COL1A2: variants seen among roughly 807,000 people sequenced by gnomAD.
COL1A2 encodes collagen type I alpha 2 chain.
COL1A2 carries 49 observed loss-of-function variants against 174.3 expected under a neutral mutation model. The ratio of observed to expected loss-of-function variants is 0.28; its 90% confidence interval spans 0.22 to 0.36. The LOEUF is 0.36. Among genes scored for constraint, COL1A2 ranks in the 10% least tolerant of loss-of-function variants. COL1A2 has a pLI of 1.00. For synonymous variants in COL1A2, 655 were observed against 606.6 expected (o/e 1.08, Z -1.17); for missense variants, 1,438 against 1,822.7 (o/e 0.79, Z 3.84).
At chr7:94,402,840 G>A (rs1791714631) in intron 6 of COL1A2, among the ~76,000 whole-genome samples, 1 of 152,092 alleles carries the variant, frequency 6.6e-6, no homozygotes, top group African/African-American at 2.4e-5. Flanking sequence ...TTCTGCTGGA[G>A]CTAATGGCCC....
chr7:94,408,229 GC>G lies in COL1A2; in HGVS notation c.689del (p.Pro230GlnfsTer169). On this transcript the variant is annotated frameshift_variant, in exon 14 of 52. Coordinates refer to ENST00000297268, the MANE Select transcript of COL1A2 (RefSeq NM_000089.4). LOFTEE classifies it high-confidence loss of function. ...PGERGRVGAP[G>X]PAGARGSDGS... Reference sequence around the variant, plus strand: ...GAGAGAGGACGTGTTGGTGCCCCTGGCCCAGCTGTAAGTGCTTCCATTTTTG... The same window carrying G: ...GAGAGAGGACGTGTTGGTGCCCCTGGCCAGCTGTAAGTGCTTCCATTTTTG... 1 of 1,614,118 alleles carries G rather than the reference GC, an allele frequency of 6.2e-7. No individual in the cohort carries two copies. The highest frequency in any genetic ancestry group is 8.5e-7 in the Non-Finnish European group (1 of 1,180,006).
intron 6 of COL1A2, among the ~76,000 whole-genome samples, chr7:94,402,311 A>G (rs891621264): frequency 1.3e-5 from 2 of 152,172 alleles, no homozygotes; most frequent in African/African-American, 4.8e-5. Flanking sequence ...AATATGACAG[A>G]TTCTGATCCT....
At chr7:94,405,579 A>G (rs1489341955) in intron 10 of COL1A2, 94 bp from the exon 11 acceptor site, 2 of 1,225,890 alleles carry the variant, frequency 1.6e-6, no homozygotes, top group East Asian at 4.6e-5. Flanking sequence ...CAAAGCTTGA[A>G]CTTTGATGAG....
chr7:94,429,902 A>G (rs954717048), intron 51 of COL1A2: 1 of 317,310 alleles, frequency 3.2e-6, no homozygotes, highest in Non-Finnish European at 5.8e-6. Context: ...TAACAGCAAG[A>G]CTACATACCC....
chr7:94,412,337 G>A (rs1191326130), intron 24 of COL1A2, among the ~76,000 whole-genome samples: 1 of 151,848 alleles, frequency 6.6e-6, no homozygotes, highest in East Asian at 1.9e-4. Flanking sequence ...AGGGAAAATT[G>A]AAGCAGGTGA....
chr7:94,417,651 A>T (rs922360856), intron 31 of COL1A2, 73 bp from the exon 32 acceptor site: 1 of 1,303,318 alleles, frequency 7.7e-7, no homozygotes, highest in African/African-American at 1.6e-5. Flanking sequence ...TTTAAATTGG[A>T]ATTCTTCTAG....
chr7:94,394,968 G>A lies in COL1A2; in HGVS notation c.-64G>A, dbSNP rs1329399319. The A allele has an allele frequency of 6.7e-7, 1 of 1,483,190 alleles. No homozygotes were observed. Among genetic ancestry groups the A allele is most frequent in the African/African-American group, 1.4e-5 (1 of 72,324 alleles). 91.9% of individuals were successfully genotyped at this position (1,483,190 alleles called of 1,614,324 possible). ...GACTGCATGCCCGCGCCCGCCAGGT[G>A]ATACCTCCGCCGGTGACCCAGGGGC... On this transcript the variant is annotated 5_prime_UTR_variant, in exon 1 of 52. It removes the in-frame stop codon of an upstream open reading frame in the 5' UTR. Transcript: ENST00000297268.
chr7:94,410,786 C>G, intron 21 of COL1A2, 103 bp from the exon 22 acceptor site: 1 of 1,308,602 alleles, frequency 7.6e-7, no homozygotes, highest in Non-Finnish European at 1.1e-6. Flanking sequence ...TGGTTTGTGT[C>G]TGTATCTCCC....
At position 94,411,040 on chromosome 7, in the gene COL1A2, T is replaced by A. The variant is rs1280700829; in HGVS notation, c.1252-16T>A. 1.9e-6 allele frequency: 3 copies of A among 1,605,328 alleles called. No individual in the cohort carries two copies. Among genetic ancestry groups the A allele is most frequent in the African/African-American group, 2.7e-5 (2 of 74,664 alleles). On this transcript the variant is annotated splice_polypyrimidine_tract_variant and intron_variant, in intron 22 of 51. Transcript: ENST00000297268. ...CATCCTCCTCCTCTATCTGTTTTTT[T>A]TTTTTTTTTGAATAGGGCCCTCCTG...
rs34038163 is a variant in COL1A2 at position 94,429,325 on chromosome 7, T to G, written c.3849T>G (p.Thr1283=). 1 of 1,614,156 alleles carries G rather than the reference T, an allele frequency of 6.2e-7. No individual in the cohort carries two copies. Among genetic ancestry groups the G allele is most frequent in the South Asian group, 1.1e-5 (1 of 91,080 alleles). The stretch of plus-strand genomic sequence containing the variant: ...GCATTGCATACATGGATGAGGAGAC[T>G]GGCAACCTGAAAAAGGCTGTCATTC... The part of the protein sequence containing the change: ...KNSIAYMDEE[T]GNLKKAVILQ... Residue 1283 remains threonine, a synonymous_variant, in exon 51 of 52, where the codon ACT becomes ACG. Transcript: ENST00000297268.
Position 94,428,457 on chromosome 7 carries a change from A to G in COL1A2, c.3691A>G (p.Thr1231Ala), listed in dbSNP as rs201560619. The change falls in exon 50 of 52, where the codon ACT becomes GCT. Residue 1231 changes from threonine (T) to alanine (A), a missense_variant. By Grantham distance (58) the Thr-to-Ala change is moderately conservative. Coordinates refer to ENST00000297268, the MANE Select transcript of COL1A2 (RefSeq NM_000089.4). ...CAAGAAACACGTCTGGCTAGGAGAA[A>G]CTATCAATGCTGGCAGCCAGGTGAG... ...KDKKHVWLGE[T>A]INAGSQFEYN... 8.9e-5 allele frequency: 144 copies of G among 1,613,906 alleles called. No homozygotes were observed. The highest frequency in any genetic ancestry group is 1.2e-4 in the Non-Finnish European group (140 of 1,180,004).
Position 94,425,798 on chromosome 7 carries a change from G to C in COL1A2, c.2884G>C (p.Ala962Pro). The C allele has an allele frequency of 6.2e-7, 1 of 1,613,050 alleles. No homozygotes were observed. Among genetic ancestry groups the C allele is most frequent in the South Asian group, 1.1e-5 (1 of 90,852 alleles). Residue 962 changes from alanine (A) to proline (P), a missense_variant, in exon 44 of 52, where the codon GCA becomes CCA. Coordinates refer to ENST00000297268, the MANE Select transcript of COL1A2 (RefSeq NM_000089.4). ...GNIGPVGAAG[A>P]PGPHGPVGPA... ...TATTGGTCCCGTTGGTGCTGCAGGTGCACCTGGTCCTCATGGCCCCGTGGG... is the reference window on the plus strand; with the variant it reads ...TATTGGTCCCGTTGGTGCTGCAGGTCCACCTGGTCCTCATGGCCCCGTGGG...
intron 9 of COL1A2, 126 bp from the exon 10 acceptor site, chr7:94,405,073 T>C: frequency 3.6e-6 from 4 of 1,125,634 alleles, no homozygotes; most frequent in Non-Finnish European, 5.3e-6. Flanking sequence ...AGGGAAAGAT[T>C]AAATATATAT....
rs1022048845 is a variant in COL1A2 at position 94,418,559 on chromosome 7, A to G, written c.2025+7A>G. The G allele has an allele frequency of 3.7e-5, 60 of 1,611,558 alleles. No homozygotes were observed. The highest frequency in any genetic ancestry group is 4.7e-5 in the Non-Finnish European group (55 of 1,179,232). On this transcript the variant is annotated splice_region_variant and intron_variant, in intron 33 of 51. Coordinates refer to ENST00000297268, the MANE Select transcript of COL1A2 (RefSeq NM_000089.4). Reference sequence around the variant, plus strand: ...TGGCAGAGATGGTGCTCGTGTGAGTAGAATTTTGTTTGTATGTTTCTTCGT... The same window carrying G: ...TGGCAGAGATGGTGCTCGTGTGAGTGGAATTTTGTTTGTATGTTTCTTCGT...
chr7:94,414,356 TATA>T (rs1156262043), intron 29 of COL1A2, 81 bp downstream of exon 29: 2 of 1,227,030 alleles, frequency 1.6e-6, no homozygotes, highest in Non-Finnish European at 1.2e-6. Context: ...GCTATGCAAT[TATA>T]ATATGTAAAA....
At chr7:94,421,831 A>G in intron 38 of COL1A2, 68 bp from the exon 39 acceptor site, 1 of 1,502,618 alleles carries the variant, frequency 6.7e-7, no homozygotes, top group Non-Finnish European at 9.2e-7. Context: ...AAAACAAAGA[A>G]ATTCCCATCT....
chr7:94,405,783 T>G, intron 11 of COL1A2, 57 bp downstream of exon 11: 1 of 1,348,298 alleles, frequency 7.4e-7, no homozygotes, highest in Non-Finnish European at 1.1e-6. Context: ...TGGAAAAAAC[T>G]CAAGTATGTT....
At chr7:94,408,913 A>C in intron 16 of COL1A2, 90 bp downstream of exon 16, 2 of 1,221,436 alleles carry the variant, frequency 1.6e-6, no homozygotes, top group Non-Finnish European at 2.4e-6. Context: ...TAAAGAGATA[A>C]TTACGAAACA....
In COL1A2 at chr7:94,425,792, G is replaced by A; in HGVS notation, c.2878G>A (p.Ala960Thr). Reference sequence around the variant, plus strand: ...TGGCAATATTGGTCCCGTTGGTGCTGCAGGTGCACCTGGTCCTCATGGCCC... The same window carrying A: ...TGGCAATATTGGTCCCGTTGGTGCTACAGGTGCACCTGGTCCTCATGGCCC... The part of the protein sequence containing the change: ...YPGNIGPVGA[A>T]GAPGPHGPVG... Residue 960 changes from alanine to threonine, a missense_variant, in exon 44 of 52, where the codon GCA becomes ACA. Around this residue, in one of 3 missense-constraint regions of COL1A2, gnomAD observed 867 missense variants for 1,213.7 expected, o/e 0.71. Transcript: ENST00000297268. 2 of 1,613,104 alleles carry A rather than the reference G, an allele frequency of 1.2e-6. No homozygotes were observed. Among genetic ancestry groups the A allele is most frequent in the Non-Finnish European group, 1.7e-6 (2 of 1,179,604 alleles).
Sources: gnomAD v4.1 joint callset for allele counts (sites outside exome capture counted in the v4.1 genomes callset) on GRCh38, gnomAD v4.1.1 for gene constraint, gnomAD v4.1.1 regional missense constraint, MANE v1.5 for transcripts, NCBI Gene and HGNC (gene_info 2026-07-23, HGNC 2026-07-21) for gene names.